Variants in ARK2N observed in about 807,000 individuals in gnomAD.
ARK2N encodes the protein protein ARK2N.
chr18:46,253,052 C>T, the ARK2N span, among the ~76,000 whole-genome samples: 1 of 152,206 alleles, frequency 6.6e-6, no homozygotes, highest in African/African-American at 2.4e-5. Flanking sequence ...AGTTACATTT[C>T]AGTTGCTCAG....
At chr18:46,188,753 C>G in the ARK2N span, among the ~76,000 whole-genome samples, 3 of 152,130 alleles carry the variant, frequency 2.0e-5, no homozygotes, top group Non-Finnish European at 4.4e-5. Flanking sequence ...TGGCTCATGC[C>G]TATAGTCTCA....
the ARK2N span, among the ~76,000 whole-genome samples, chr18:46,257,220 G>T: frequency 6.6e-6 from 1 of 152,030 alleles, no homozygotes; most frequent in Non-Finnish European, 1.5e-5. Context: ...GTTGTTCTCT[G>T]GAATTGTGGC....
chr18:46,218,620 C>G, the ARK2N span: 1 of 152,128 alleles, frequency 6.6e-6, no homozygotes, highest in African/African-American at 2.4e-5. Context: ...TTTCAATTGT[C>G]CATATTGTTG....
chr18:46,213,886 G>A, the ARK2N span, among the ~76,000 whole-genome samples: 1 of 152,010 alleles, frequency 6.6e-6, no homozygotes, highest in Middle Eastern at 3.4e-3. Context: ...TAGTAGAGAC[G>A]GGGTTTCACC....
the ARK2N span, chr18:46,216,249 G>T: frequency 1.2e-6 from 2 of 1,613,722 alleles, no homozygotes. This position sits in a 1 kb window ranked among gnomAD's most constrained non-coding sequence, Gnocchi z 4.3. Flanking sequence ...CAGAAACGGC[G>T]GTAGAAGGAG....
chr18:46,246,760 T>C, the ARK2N span, among the ~76,000 whole-genome samples: 1 of 140,836 alleles, frequency 7.1e-6, no homozygotes, highest in African/African-American at 2.6e-5. Flanking sequence ...CTTACCAACA[T>C]GGCCAAACCC....
the ARK2N span, among the ~76,000 whole-genome samples, chr18:46,180,234 A>G: frequency 6.6e-6 from 1 of 152,220 alleles, no homozygotes. Context: ...CTAAATTATT[A>G]ACTTGACTTT....
chr18:46,199,200 C>A, the ARK2N span, among the ~76,000 whole-genome samples: 1 of 152,202 alleles, frequency 6.6e-6, no homozygotes, highest in African/African-American at 2.4e-5. Context: ...TCTTAACTTT[C>A]ACAGTATTCA....
the ARK2N span, chr18:46,263,170 C>T: frequency 6.7e-7 from 1 of 1,481,800 alleles, no homozygotes; most frequent in Non-Finnish European, 9.2e-7. Context: ...TCCTCATCCT[C>T]TTTGTGACAT....
the ARK2N span, among the ~76,000 whole-genome samples, chr18:46,257,523 G>A: frequency 3.3e-5 from 5 of 152,138 alleles, no homozygotes; most frequent in South Asian, 1.0e-3. Flanking sequence ...TTACCTAAAT[G>A]TTATTTCCAG....
At chr18:46,250,491 T>TACACACAC in the ARK2N span, among the ~76,000 whole-genome samples, 1,181 of 129,744 alleles carry the variant, frequency 9.1e-3, 33 homozygotes, top group African/African-American at 0.032. Context: ...CCTCCATTCG[T>TACACACAC]ACACACACAC....
chr18:46,174,542 C>G, the ARK2N span, among the ~76,000 whole-genome samples: 107 of 152,246 alleles, frequency 7.0e-4, no homozygotes, highest in African/African-American at 2.4e-3. Flanking sequence ...GGCATCGCAC[C>G]TCTCCGACCT....
At chr18:46,179,916 C>T in the ARK2N span, among the ~76,000 whole-genome samples, 2 of 152,084 alleles carry the variant, frequency 1.3e-5, no homozygotes, top group African/African-American at 2.4e-5. Flanking sequence ...TGAGCCACTG[C>T]GCCCGGCCTA....
At chr18:46,251,123 G>A in the ARK2N span, among the ~76,000 whole-genome samples, 658 of 152,308 alleles carry the variant, frequency 4.3e-3, 3 homozygotes, top group African/African-American at 0.015. Flanking sequence ...AACAAATAAA[G>A]TAAACAGTAA....
chr18:46,216,721 G>A, the ARK2N span: 1 of 855,818 alleles, frequency 1.2e-6, no homozygotes, highest in Non-Finnish European at 1.8e-6. The surrounding 1 kb of genome is among the most constrained non-coding windows in gnomAD (Gnocchi z 4.3). Flanking sequence ...TTTGAAGACT[G>A]CAGTCTATTA....
chr18:46,248,597 T>G, the ARK2N span, among the ~76,000 whole-genome samples: 8 of 152,164 alleles, frequency 5.3e-5, no homozygotes, highest in Non-Finnish European at 7.3e-5. Context: ...TTGTTTGTTT[T>G]TTTGAGACGG....
the ARK2N span, among the ~76,000 whole-genome samples, chr18:46,193,191 G>T: frequency 6.6e-6 from 1 of 152,086 alleles, no homozygotes; most frequent in East Asian, 1.9e-4. Flanking sequence ...AAGAATGTAA[G>T]AATGTGGACT....
chr18:46,182,032 GAGTCTGCATTTTGTT>G, the ARK2N span, among the ~76,000 whole-genome samples: 1 of 152,184 alleles, frequency 6.6e-6, no homozygotes, highest in Non-Finnish European at 1.5e-5. Flanking sequence ...ATAATGTCTG[GAGTCTGCATTTTGTT>G]AGGTGCCTTA....
At chr18:46,186,020 C>A in the ARK2N span, among the ~76,000 whole-genome samples, 2 of 151,530 alleles carry the variant, frequency 1.3e-5, no homozygotes, top group Non-Finnish European at 2.9e-5. Flanking sequence ...GGCAAAACTT[C>A]GAAAATACCT....
Sources: allele counts gnomAD v4.1 joint callset (sites outside exome capture counted in the v4.1 genomes callset), GRCh38; gene constraint gnomAD v4.1.1; non-coding constraint Gnocchi (gnomAD v3.1); transcripts MANE v1.5; gene names NCBI Gene and HGNC (gene_info 2026-07-23, HGNC 2026-07-21).